The following ZFR variants were observed in gnomAD, a reference collection of about 807,000 sequenced individuals.
ZFR encodes zinc finger RNA-binding protein.
A neutral mutation model predicts 130.7 loss-of-function variants in ZFR; 19 were observed. The observed-to-expected ratio is 0.15, with a 90% CI of 0.10 to 0.21. ZFR has a LOEUF of 0.21. ZFR is among the 10% of genes least tolerant of loss of function. ZFR has a pLI of 1.00. For missense variants in ZFR, 872 were observed against 1,321.5 expected, an observed-to-expected ratio of 0.66 and a Z score of 5.27; for synonymous variants, 466 against 456.9, an observed-to-expected ratio of 1.02 and a Z score of -0.25.
At chr5:32,439,003 T>C (rs138208477) in intron 2 of ZFR, among the ~76,000 whole-genome samples, 2 of 152,362 alleles carry the variant, frequency 1.3e-5, no homozygotes, top group East Asian at 1.9e-4. Context: ...CTTTTGTTCA[T>C]AGTGTACTAT....
chr5:32,408,224 A>T (rs1184216479), intron 5 of ZFR, among the ~76,000 whole-genome samples: 1 of 150,874 alleles, frequency 6.6e-6, no homozygotes, highest in Non-Finnish European at 1.5e-5. Flanking sequence ...TTTTTCTCAT[A>T]TTTAAGGATA....
At position 32,419,971 on chromosome 5, in the gene ZFR, G is replaced by A; in HGVS notation, c.270C>T (p.Ala90=). 1.2e-6 allele frequency: 2 copies of A among 1,613,940 alleles called. No homozygotes were observed. The highest frequency in any genetic ancestry group is 1.7e-6 in the Non-Finnish European group (2 of 1,179,998). ...CTGCAACAGCTACTGGAGCAGGCCTGGCAACTGCAACTGTGGCGGCTGCTG... is the reference window on the plus strand; with the variant it reads ...CTGCAACAGCTACTGGAGCAGGCCTAGCAACTGCAACTGTGGCGGCTGCTG... ...YAPAAATVAV[A]RPAPVAVAAA... Residue 90 remains alanine (A), a synonymous_variant, in exon 3 of 20, where the codon GCC becomes GCT. Coordinates refer to ENST00000265069, the MANE Select transcript of ZFR (RefSeq NM_016107.5).
At chr5:32,375,557 T>G (rs1316565079) in intron 17 of ZFR, among the ~76,000 whole-genome samples, 1 of 152,234 alleles carries the variant, frequency 6.6e-6, no homozygotes, top group Non-Finnish European at 1.5e-5. Flanking sequence ...TCACCCAGGC[T>G]GGAGTGCCAT....
Position 32,400,171 on chromosome 5 carries a change from C to T in ZFR, c.1549G>A (p.Ala517Thr), listed in dbSNP as rs779031634. The change falls in exon 9 of 20, where the codon GCA becomes ACA. Residue 517 changes from alanine (A) to threonine (T), a missense_variant. By Grantham distance (58) the Ala-to-Thr change is moderately conservative. This residue lies in a region of ZFR where 143 missense variants were observed against 137.9 expected (regional missense o/e 1.04). Transcript: ENST00000265069. ...GNKLQSTGNK[A>T]EDIKGTECVK... Reference sequence around the variant, plus strand: ...CATTCGGTTCCTTTTATGTCTTCTGCTTTATTTCCTGTTGACTGCAGCTTA... The same window carrying T: ...CATTCGGTTCCTTTTATGTCTTCTGTTTTATTTCCTGTTGACTGCAGCTTA... 1.3e-5 allele frequency: 21 copies of T among 1,609,264 alleles called. No homozygotes were observed. The Admixed American group carries it at 3.2e-4, about 24-fold the overall frequency.
At chr5:32,403,782 T>C in intron 7 of ZFR, 124 bp downstream of exon 7, 1 of 818,928 alleles carries the variant, frequency 1.2e-6, no homozygotes. Context: ...TATTAGCACA[T>C]AAGCAAGGCT....
chr5:32,369,704 T>G (rs969454744), intron 17 of ZFR, among the ~76,000 whole-genome samples: 8 of 151,842 alleles, frequency 5.3e-5, no homozygotes, highest in Admixed American at 5.3e-4. Context: ...CCTATGTACG[T>G]GGGAGGCTGA....
chr5:32,383,954 A>T (rs545881244), intron 15 of ZFR: 1 of 335,078 alleles, frequency 3.0e-6, no homozygotes, highest in South Asian at 2.4e-5. Flanking sequence ...TATGAAATTC[A>T]GAACAATAAT....
intron 17 of ZFR, among the ~76,000 whole-genome samples, chr5:32,373,034 G>A (rs1223532724): frequency 1.3e-5 from 2 of 152,052 alleles, no homozygotes; most frequent in East Asian, 1.9e-4. Context: ...TTCGAATCAC[G>A]ATGCCATAAA....
At chr5:32,357,709 T>C (rs908293573) in intron 19 of ZFR, among the ~76,000 whole-genome samples, 1 of 152,274 alleles carries the variant, frequency 6.6e-6, no homozygotes, top group African/African-American at 2.4e-5. Context: ...ATCTTGCCTA[T>C]GTAAAAATTA....
intron 5 of ZFR, among the ~76,000 whole-genome samples, chr5:32,412,912 C>A (rs866660407): frequency 6.6e-6 from 1 of 152,086 alleles, no homozygotes; most frequent in African/African-American, 2.4e-5. Context: ...GGGGCGGGCA[C>A]GGTGGCTCAT....
At chr5:32,382,140 C>G (rs1752947703) in intron 15 of ZFR, among the ~76,000 whole-genome samples, 1 of 151,956 alleles carries the variant, frequency 6.6e-6, no homozygotes, top group Non-Finnish European at 1.5e-5. Flanking sequence ...CATTCCTACT[C>G]AAAAATACAA....
At chr5:32,358,517 G>A (rs1015550494) in intron 19 of ZFR, among the ~76,000 whole-genome samples, 6 of 152,236 alleles carry the variant, frequency 3.9e-5, no homozygotes, top group African/African-American at 4.8e-5. Context: ...AAAATTAGCC[G>A]GGCTTGGTGG....
intron 17 of ZFR, among the ~76,000 whole-genome samples, chr5:32,370,649 T>C (rs972011797): frequency 6.6e-6 from 1 of 152,158 alleles, no homozygotes; most frequent in African/African-American, 2.4e-5. Flanking sequence ...AGTGCTGGGA[T>C]TACAGGTAGG....
intron 2 of ZFR, among the ~76,000 whole-genome samples, chr5:32,426,836 C>T (rs546347619): frequency 2.0e-5 from 3 of 147,734 alleles, no homozygotes; most frequent in African/African-American, 5.0e-5. Flanking sequence ...ACCCAGGGGG[C>T]GGAGGTTGCA....
Position 32,355,794 on chromosome 5 carries a change from C to A in ZFR, c.3191G>T (p.Gly1064Val). Residue 1064 changes from glycine to valine, a missense_variant, in exon 20 of 20, where the codon GGG (glycine) becomes GTG (valine). Coordinates refer to ENST00000265069, the MANE Select transcript of ZFR (RefSeq NM_016107.5). ...ATCATAATCTTTTTTGTCTTTTTTC[C>A]CCTCAGCTTCAAATCCATCAACTCC... ...SDGVDGFEAE[G>V]KKDKKDYDNF is the part of the protein sequence containing the mutation. 2 of 1,589,198 alleles carry A rather than the reference C, an allele frequency of 1.3e-6. No individual in the cohort carries two copies. The highest frequency in any genetic ancestry group is 1.7e-6 in the Non-Finnish European group (2 of 1,171,850).
intron 2 of ZFR, among the ~76,000 whole-genome samples, chr5:32,439,787 G>A (rs933574119): frequency 8.2e-6 from 1 of 121,364 alleles, no homozygotes; most frequent in African/African-American, 3.1e-5. Context: ...CTGGGTGAGA[G>A]AGCGAGACCA....
intron 14 of ZFR, among the ~76,000 whole-genome samples, chr5:32,387,224 T>A (rs41270317): frequency 2.1e-3 from 320 of 152,028 alleles, no homozygotes; most frequent in Non-Finnish European, 2.8e-3. Flanking sequence ...ATTTTTTTTT[T>A]AAAAAATCAC....
At chr5:32,428,997 T>G (rs1581714283) in intron 2 of ZFR, among the ~76,000 whole-genome samples, 1 of 39,376 alleles carries the variant, frequency 2.5e-5, no homozygotes, top group Non-Finnish European at 6.0e-5. Flanking sequence ...TTTTTTTTTT[T>G]TTTTTTGAGA....
At position 32,400,959 on chromosome 5, in the gene ZFR, C is replaced by T. The variant is rs982444554; in HGVS notation, c.1517-756G>A. Among the ~76,000 whole-genome samples, 5 of 152,274 alleles carry T rather than the reference C, an allele frequency of 3.3e-5. No homozygotes were observed. In the East Asian group the frequency reaches 5.8e-4, roughly 18 times the overall value. On this transcript the variant is annotated intron_variant, in intron 8 of 19. Transcript: ENST00000265069. ...AACTTAGTCCAAACAAAGTTTCCCA[C>T]CAGGGAAGGAAACAGAACCAATTTA...
Sources: gnomAD v4.1 joint callset for allele counts (sites outside exome capture counted in the v4.1 genomes callset) on GRCh38, gnomAD v4.1.1 for gene constraint, gnomAD v4.1.1 regional missense constraint, MANE v1.5 for transcripts, NCBI Gene and HGNC (gene_info 2026-07-23, HGNC 2026-07-21) for gene names.